The following HCK variants were observed in gnomAD, a reference collection of about 807,000 sequenced individuals.
The protein encoded by HCK is tyrosine-protein kinase HCK.
Under a neutral mutation model 70.4 loss-of-function variants are expected in HCK, and 40 were observed. The ratio of observed to expected loss-of-function variants is 0.57; its 90% CI spans 0.44 to 0.74. The LOEUF (loss-of-function observed/expected upper bound fraction) is 0.74, where lower values mean the gene tolerates loss of function less well. Ranked by LOEUF, HCK falls within the 30% of genes least tolerant of loss-of-function variation. The pLI is 0.00. For missense variants in HCK, 568 were observed against 697.2 expected, an observed-to-expected ratio of 0.81 and a Z score of 2.09; for synonymous variants, 245 against 263.2, an observed-to-expected ratio of 0.93 and a Z score of 0.67.
intron 5 of HCK, among the ~76,000 whole-genome samples, chr20:32,076,357 G>A (rs922823300): frequency 2.0e-5 from 3 of 151,910 alleles, no homozygotes; most frequent in Non-Finnish European, 4.4e-5. Context: ...CCCCTTCTTA[G>A]TGATCATGGA....
At chr20:32,086,533 T>C (rs2045789012) in intron 8 of HCK, 95 bp from the exon 9 acceptor site, 1 of 1,022,898 alleles carries the variant, frequency 9.8e-7, no homozygotes, top group South Asian at 1.6e-5. Flanking sequence ...CAGGAAAGAC[T>C]TTCTGGAGGA....
In HCK at chr20:32,054,866, G is replaced by A. The variant is rs573843046; in HGVS notation, c.62+2380G>A. The stretch of plus-strand genomic sequence containing the variant: ...GACTTTTCTGCAATTCTGACAATGG[G>A]GATAGCAGAGGAGCATATTTGCCCC... On this transcript the variant is annotated intron_variant, in intron 1 of 12. Coordinates refer to ENST00000375852, the MANE Select transcript of HCK (RefSeq NM_002110.5). Among the ~76,000 whole-genome samples, 9 of 152,288 alleles carry A rather than the reference G, an allele frequency of 5.9e-5. No individual in the cohort carries two copies. In the East Asian group the frequency reaches 1.7e-3, roughly 29 times the overall value.
chr20:32,053,408 C>T (rs1484885438), intron 1 of HCK, among the ~76,000 whole-genome samples: 1 of 151,884 alleles, frequency 6.6e-6, no homozygotes, highest in Admixed American at 6.6e-5. Flanking sequence ...GAGGCCGAGG[C>T]AGGTGGATCT....
intron 1 of HCK, among the ~76,000 whole-genome samples, chr20:32,067,531 C>CTTTTTTTTTTTTT (rs11482239): frequency 1.8e-5 from 2 of 110,332 alleles, no homozygotes; most frequent in East Asian, 2.6e-4. Context: ...GATGCTTTTA[C>CTTTTTTTTTTTTT]TTTTTTTTTT....
At chr20:32,091,647 A>T (rs2045864965) in intron 10 of HCK, among the ~76,000 whole-genome samples, 1 of 151,668 alleles carries the variant, frequency 6.6e-6, no homozygotes, top group African/African-American at 2.4e-5. Context: ...CCACTATTCT[A>T]AACAAAATCA....
At chr20:32,071,534 G>T (rs2045538046) in intron 1 of HCK, 128 bp from the exon 2 acceptor site, 1 of 1,147,700 alleles carries the variant, frequency 8.7e-7, no homozygotes. Context: ...GAGCTGGCAG[G>T]GGAGTTAAGA....
At position 32,071,833 on chromosome 20, in the gene HCK, A is replaced by G. The variant is rs377275768; in HGVS notation, c.183+51A>G. 2.0e-5 allele frequency: 32 copies of G among 1,593,510 alleles called. No homozygotes were observed. The African/African-American group carries it at 3.4e-4, about 17-fold the overall frequency. ...CTGGGGGCTGACGGATGCTGCCCCA[A>G]CATTGCCCTAACAGCCTCCTGTCTT... On this transcript the variant is annotated intron_variant, in intron 2 of 12. Coordinates refer to ENST00000375852, the MANE Select transcript of HCK (RefSeq NM_002110.5).
At chr20:32,094,810 A>AG (rs879256794) in intron 11 of HCK, among the ~76,000 whole-genome samples, 5,014 of 121,210 alleles carry the variant, frequency 0.041, 247 homozygotes, top group South Asian at 0.054. Context: ...AGAAAGAAAG[A>AG]AAGAAAGAAA....
chr20:32,088,562 A>G lies in HCK; in HGVS notation c.1016-6A>G. 1 of 1,610,086 alleles carries G rather than the reference A, an allele frequency of 6.2e-7. No individual in the cohort carries two copies. Among genetic ancestry groups the G allele is most frequent in the Non-Finnish European group, 8.5e-7 (1 of 1,178,464 alleles). Reference sequence around the variant, plus strand: ...AGTAAATGTTCCTCCCCTCTCCCCCATATAGGAAGCTTGCTGGACTTTCTG... The same window carrying G: ...AGTAAATGTTCCTCCCCTCTCCCCCGTATAGGAAGCTTGCTGGACTTTCTG... On this transcript the variant is annotated splice_region_variant and splice_polypyrimidine_tract_variant and intron_variant, in intron 9 of 12. Transcript: ENST00000375852.
chr20:32,076,644 C>T (rs1356791079), intron 5 of HCK, among the ~76,000 whole-genome samples: 1 of 152,192 alleles, frequency 6.6e-6, no homozygotes, highest in African/African-American at 2.4e-5. Context: ...CAGACATGAG[C>T]AGCAACAGCA....
chr20:32,101,272 C>G, intron 12 of HCK, 45 bp from the exon 13 acceptor site: 1 of 1,585,682 alleles, frequency 6.3e-7, no homozygotes, highest in Non-Finnish European at 8.6e-7. Context: ...CCTGGGCTCT[C>G]ATTTCCCAAC....
chr20:32,082,768 C>T (rs369904410), intron 6 of HCK, among the ~76,000 whole-genome samples: 2 of 152,186 alleles, frequency 1.3e-5, no homozygotes, highest in South Asian at 2.1e-4. Flanking sequence ...AATAGCAAAA[C>T]GGTGGTCATG....
intron 1 of HCK, among the ~76,000 whole-genome samples, chr20:32,063,445 G>C (rs924736937): frequency 2.0e-5 from 3 of 151,928 alleles, no homozygotes; most frequent in African/African-American, 7.3e-5. Flanking sequence ...ACAGGGTCTC[G>C]ATATGTTGTC....
At position 32,073,370 on chromosome 20, in the gene HCK, CT is replaced by C. The variant is rs760019905; in HGVS notation, c.226+10del. The C allele has an allele frequency of 6.2e-7, 1 of 1,610,268 alleles. No homozygotes were observed. The highest frequency in any genetic ancestry group is 8.5e-7 in the Non-Finnish European group (1 of 1,178,204). On this transcript the variant is annotated intron_variant, in intron 3 of 12. Coordinates refer to ENST00000375852, the MANE Select transcript of HCK (RefSeq NM_002110.5). ...ACCAGGAATCAGGGAGGGTAAGTAT[CT>C]ACGAGCAGATGCAGTGGAGTCATGT...
intron 10 of HCK, among the ~76,000 whole-genome samples, chr20:32,093,512 T>C (rs1327413799): frequency 3.4e-5 from 5 of 149,006 alleles, no homozygotes; most frequent in Non-Finnish European, 7.4e-5. Flanking sequence ...TGTGTGTGTG[T>C]GTGTGTGTGT....
At chr20:32,075,765 C>T (rs1377078868) in intron 5 of HCK, among the ~76,000 whole-genome samples, 1 of 152,134 alleles carries the variant, frequency 6.6e-6, no homozygotes, top group African/African-American at 2.4e-5. Context: ...CCTGTTGATT[C>T]CCTATTCCAG....
intron 6 of HCK, among the ~76,000 whole-genome samples, chr20:32,082,769 G>A (rs371687714): frequency 2.6e-5 from 4 of 152,112 alleles, no homozygotes; most frequent in African/African-American, 4.8e-5. Context: ...ATAGCAAAAC[G>A]GTGGTCATGA....
chr20:32,058,794 A>C lies in HCK; in HGVS notation c.62+6308A>C, dbSNP rs149327631. Reference sequence around the variant, plus strand: ...GTGAGGCAGGGAACAGGAGGTAGTCATTAAAGGTGTCTTCTAAGCCCAGTT... The same window carrying C: ...GTGAGGCAGGGAACAGGAGGTAGTCCTTAAAGGTGTCTTCTAAGCCCAGTT... On this transcript the variant is annotated intron_variant, in intron 1 of 12. Coordinates refer to ENST00000375852, the MANE Select transcript of HCK (RefSeq NM_002110.5). Among the ~76,000 whole-genome samples the C allele has an allele frequency of 3.3e-5, 5 of 152,292 alleles. No homozygotes were observed. In the East Asian group the frequency reaches 9.6e-4, roughly 29 times the overall value.
chr20:32,096,650 T>C (rs1031254636), intron 11 of HCK, among the ~76,000 whole-genome samples: 2 of 152,080 alleles, frequency 1.3e-5, no homozygotes, highest in Non-Finnish European at 2.9e-5. Flanking sequence ...TACAGATACG[T>C]GCTACCATGC....
Sources: allele counts gnomAD v4.1 joint callset (sites outside exome capture counted in the v4.1 genomes callset), GRCh38; gene constraint gnomAD v4.1.1; transcripts MANE v1.5; gene names NCBI Gene and HGNC (gene_info 2026-07-23, HGNC 2026-07-21).